Variants in AUTS2 observed in about 807,000 individuals in gnomAD.
AUTS2 encodes autism susceptibility gene 2 protein.
A neutral mutation model predicts 112.4 loss-of-function variants in AUTS2; 17 were observed. The ratio of observed to expected loss-of-function variants is 0.15; its 90% CI spans 0.10 to 0.23. The LOEUF (loss-of-function observed/expected upper bound fraction) is 0.23, where lower values mean the gene tolerates loss of function less well. Ranked by LOEUF, AUTS2 falls within the 10% of genes least tolerant of loss-of-function variation. The pLI is 1.00. For missense variants in AUTS2, 1,510 were observed against 1,701.6 expected, an observed-to-expected ratio of 0.89 and a Z score of 1.98; for synonymous variants, 751 against 702.7, an observed-to-expected ratio of 1.07 and a Z score of -1.09.
intron 1 of AUTS2, among the ~76,000 whole-genome samples, chr7:69,821,496 C>G (rs891709374): frequency 6.6e-5 from 10 of 152,076 alleles, no homozygotes; most frequent in African/African-American, 2.4e-4. Flanking sequence ...CCCCAGCCAG[C>G]GGTAGCAATG....
intron 1 of AUTS2, among the ~76,000 whole-genome samples, chr7:69,642,299 GA>G (rs1038952962): frequency 6.6e-6 from 1 of 151,834 alleles, no homozygotes; most frequent in Non-Finnish European, 1.5e-5. Flanking sequence ...TAAGGGAAGG[GA>G]AAAAAATGGC....
intron 2 of AUTS2, among the ~76,000 whole-genome samples, chr7:70,057,318 A>G (rs1370651797): frequency 6.6e-6 from 1 of 152,194 alleles, no homozygotes; most frequent in East Asian, 1.9e-4. Context: ...CCAAAACTTT[A>G]AACATGGAGG....
chr7:70,611,059 T>G (rs1804068261), intron 5 of AUTS2, among the ~76,000 whole-genome samples: 1 of 152,246 alleles, frequency 6.6e-6, no homozygotes, highest in African/African-American at 2.4e-5. Flanking sequence ...TCATGGGGTA[T>G]TTCCCCTATG....
chr7:70,733,621 C>A (rs1422965680), intron 6 of AUTS2, among the ~76,000 whole-genome samples: 1 of 142,148 alleles, frequency 7.0e-6, no homozygotes, highest in East Asian at 2.3e-4. Context: ...GAGTCTCACT[C>A]TGTCACCCAG....
Position 70,417,307 on chromosome 7 carries a change from G to A in AUTS2, c.661-18445G>A, listed in dbSNP as rs191316685. 1.9e-4 allele frequency among the ~76,000 whole-genome samples: 29 copies of A among 152,280 alleles called. No homozygotes were observed. In the East Asian group the frequency reaches 2.9e-3, roughly 15 times the overall value. ...AAACCATTTTGCAATGTGACTATTC[G>A]CATCACAAAACCATCAGGGCGCTCA... On this transcript the variant is annotated intron_variant, in intron 4 of 18. Transcript: ENST00000342771.
intron 2 of AUTS2, among the ~76,000 whole-genome samples, chr7:69,947,178 A>C (rs1448634109): frequency 6.6e-6 from 1 of 152,194 alleles, no homozygotes; most frequent in Non-Finnish European, 1.5e-5. Context: ...GTTGATCCTC[A>C]TTCTGAACCT....
At chr7:70,420,450 C>A (rs530267537) in intron 4 of AUTS2, among the ~76,000 whole-genome samples, 53 of 152,328 alleles carry the variant, frequency 3.5e-4, no homozygotes, top group African/African-American at 1.2e-3. Flanking sequence ...TAATATCATT[C>A]TCTCCTTAGA....
chr7:69,685,474 G>A (rs1184900645), intron 1 of AUTS2, among the ~76,000 whole-genome samples: 1 of 152,118 alleles, frequency 6.6e-6, no homozygotes, highest in African/African-American at 2.4e-5. Context: ...CTTCCTGTTT[G>A]GCCACCATCT....
At chr7:69,964,344 GACACTAAATAGGGC>G (rs1208978865) in intron 2 of AUTS2, among the ~76,000 whole-genome samples, 1 of 152,156 alleles carries the variant, frequency 6.6e-6, no homozygotes, top group African/African-American at 2.4e-5. Flanking sequence ...CCTTTTCCAG[GACACTAAATAGGGC>G]ACATGTGCTA....
intron 4 of AUTS2, among the ~76,000 whole-genome samples, chr7:70,157,629 A>C (rs563574584): frequency 1.9e-4 from 29 of 152,244 alleles, no homozygotes; most frequent in African/African-American, 7.0e-4. Flanking sequence ...TCTGTTGTTC[A>C]TTCTCTTCAC....
intron 1 of AUTS2, among the ~76,000 whole-genome samples, chr7:69,728,500 T>C (rs1298427470): frequency 2.0e-5 from 3 of 152,334 alleles, no homozygotes; most frequent in South Asian, 2.1e-4. Flanking sequence ...TTCTGTCTTT[T>C]TAATGTAATG....
chr7:70,113,791 C>CTT (rs1805212872), intron 2 of AUTS2, among the ~76,000 whole-genome samples: 1 of 152,186 alleles, frequency 6.6e-6, no homozygotes, highest in Non-Finnish European at 1.5e-5. Context: ...TTTTGAAACT[C>CTT]TCCATATCCA....
intron 2 of AUTS2, among the ~76,000 whole-genome samples, chr7:69,953,563 G>A (rs547163852): frequency 1.9e-4 from 29 of 152,200 alleles, no homozygotes; most frequent in African/African-American, 4.3e-4. Flanking sequence ...GGTTGTGTTC[G>A]GCAGCTGGAA....
chr7:70,673,359 T>A (rs6957958), intron 5 of AUTS2, among the ~76,000 whole-genome samples: 4 of 150,002 alleles, frequency 2.7e-5, no homozygotes, highest in Admixed American at 6.7e-5. Context: ...CTTGATTGTC[T>A]TTTTTTTTCT....
chr7:69,806,420 G>C (rs916788946), intron 1 of AUTS2, among the ~76,000 whole-genome samples: 1 of 151,944 alleles, frequency 6.6e-6, no homozygotes, highest in African/African-American at 2.4e-5. Context: ...TTGTTGAACT[G>C]TCTACTTCTT....
chr7:70,180,695 C>T (rs1809251346), intron 4 of AUTS2, among the ~76,000 whole-genome samples: 1 of 152,140 alleles, frequency 6.6e-6, no homozygotes, highest in Admixed American at 6.5e-5. Flanking sequence ...GAACTGCAAC[C>T]TACATTCTGC....
At chr7:69,867,178 TTTCTC>T (rs1793273820) in intron 1 of AUTS2, among the ~76,000 whole-genome samples, 1 of 145,928 alleles carries the variant, frequency 6.9e-6, no homozygotes, top group Non-Finnish European at 1.5e-5. Context: ...TAGGTGGTCT[TTTCTC>T]TGCTATTAAA....
intron 1 of AUTS2, among the ~76,000 whole-genome samples, chr7:69,758,842 CATCA>C (rs1203823569): frequency 1.3e-5 from 2 of 152,106 alleles, no homozygotes; most frequent in Non-Finnish European, 2.9e-5. Context: ...AAGAGATGAT[CATCA>C]GCAGCTTTAT....
At chr7:69,607,346 CCTT>C (rs1273856487) in intron 1 of AUTS2, among the ~76,000 whole-genome samples, 3 of 152,186 alleles carry the variant, frequency 2.0e-5, no homozygotes, top group East Asian at 1.9e-4. Context: ...TCCTTCATAT[CCTT>C]CTTCTTTCTC....
Sources: gnomAD v4.1 joint callset for allele counts (sites outside exome capture counted in the v4.1 genomes callset) on GRCh38, gnomAD v4.1.1 for gene constraint, MANE v1.5 for transcripts, NCBI Gene and HGNC (gene_info 2026-07-23, HGNC 2026-07-21) for gene names.